The following KIF20B variants were observed in gnomAD, a reference collection of about 807,000 sequenced individuals.
The protein encoded by KIF20B is kinesin-like protein KIF20B.
A neutral mutation model predicts 232.5 loss-of-function variants in KIF20B; 188 were observed. That is an observed-to-expected ratio of 0.81 (90% CI 0.72 to 0.91). KIF20B has a LOEUF of 0.91. KIF20B is among the 40% of genes least tolerant of loss of function. KIF20B has a pLI of 0.00. For missense variants in KIF20B, 2,154 were observed against 2,055.9 expected (o/e 1.05, Z -0.92); for synonymous variants, 712 against 683.0 (o/e 1.04, Z -0.66).
intron 27 of KIF20B, among the ~76,000 whole-genome samples, chr10:89,759,526 A>G (rs936756061): frequency 2.6e-5 from 4 of 152,134 alleles, no homozygotes; most frequent in Non-Finnish European, 5.9e-5. Flanking sequence ...GTGTCACATC[A>G]AAAGACTATT....
intron 6 of KIF20B, among the ~76,000 whole-genome samples, chr10:89,712,369 T>G (rs1356442499): frequency 6.6e-6 from 1 of 152,040 alleles, no homozygotes; most frequent in Non-Finnish European, 1.5e-5. Context: ...TTCTCCTGCC[T>G]CGACCTCCTC....
chr10:89,705,025 A>G (rs1293977795), intron 1 of KIF20B, among the ~76,000 whole-genome samples: 1 of 152,228 alleles, frequency 6.6e-6, no homozygotes, highest in African/African-American at 2.4e-5. Context: ...CCATCTTTAC[A>G]GATTACCTGT....
At chr10:89,753,312 T>A (rs1422373320) in intron 25 of KIF20B, among the ~76,000 whole-genome samples, 3 of 152,206 alleles carry the variant, frequency 2.0e-5, no homozygotes. Flanking sequence ...TTTGGGAGAT[T>A]GTCTGCCTCT....
intron 25 of KIF20B, 128 bp from the exon 26 acceptor site, chr10:89,754,390 T>C: frequency 4.4e-6 from 2 of 459,314 alleles, no homozygotes; most frequent in Non-Finnish European, 7.3e-6. Context: ...GATCTTGTCA[T>C]TGTTTAAAGT....
chr10:89,742,623 C>A (rs181153794), intron 21 of KIF20B, among the ~76,000 whole-genome samples: 3 of 150,434 alleles, frequency 2.0e-5, no homozygotes, highest in African/African-American at 7.3e-5. Flanking sequence ...ATTATTGGAA[C>A]ATAAAGCTTA....
chr10:89,751,315 A>T, intron 23 of KIF20B, 31 bp from the exon 24 acceptor site: 1 of 1,556,426 alleles, frequency 6.4e-7, no homozygotes, highest in Non-Finnish European at 8.7e-7. Context: ...AGAGGCTATT[A>T]ATTTCTAAAA....
At chr10:89,713,153 A>C (rs1842866783) in intron 6 of KIF20B, among the ~76,000 whole-genome samples, 1 of 152,124 alleles carries the variant, frequency 6.6e-6, no homozygotes. Flanking sequence ...TGAGGCCAGG[A>C]GTTGGAGACT....
intron 18 of KIF20B, among the ~76,000 whole-genome samples, chr10:89,730,369 A>G (rs1056341012): frequency 2.6e-5 from 4 of 152,200 alleles, no homozygotes; most frequent in Non-Finnish European, 4.4e-5. Flanking sequence ...GGAATTATAC[A>G]GATTAATAAA....
At position 89,752,590 on chromosome 10, in the gene KIF20B, T is replaced by C; in HGVS notation, c.4246T>C (p.Cys1416Arg). ...AGAATTGGAAAAATGGAAGGAAAAATGCAATGATTTGGAAACCAAAAACAA... is the reference window on the plus strand; with the variant it reads ...AGAATTGGAAAAATGGAAGGAAAAACGCAATGATTTGGAAACCAAAAACAA... ...ATELEKWKEKCNDLETKNNQR... is the reference protein window; with the variant it reads ...ATELEKWKEKRNDLETKNNQR... The change falls in exon 25 of 33, where the codon TGC becomes CGC. Residue 1416 changes from cysteine (C) to arginine (R), a missense_variant. Transcript: ENST00000371728. The C allele has an allele frequency of 6.2e-7, 1 of 1,602,828 alleles. No homozygotes were observed. Among genetic ancestry groups the C allele is most frequent in the Non-Finnish European group, 8.5e-7 (1 of 1,174,788 alleles).
Position 89,737,636 on chromosome 10 carries a change from A to C in KIF20B, c.2795A>C (p.Glu932Ala). 6.2e-7 allele frequency: 1 copy of C among 1,609,912 alleles called. No homozygotes were observed. Among genetic ancestry groups the C allele is most frequent in the Non-Finnish European group, 8.5e-7 (1 of 1,177,572 alleles). Residue 932 changes from glutamate to alanine, a missense_variant, in exon 20 of 33, where the codon GAG (glutamate) becomes GCG (alanine). Physicochemically the swap from Glu to Ala is moderately radical, Grantham distance 107. Transcript: ENST00000371728. ...AAAAAGAATTTAACTTTAAGTAAAG[A>C]GGTCCAACAAATTCAGTCAAATTAT... ...SEKKNLTLSK[E>A]VQQIQSNYDI...
Position 89,739,102 on chromosome 10 carries a change from T to G in KIF20B, c.3915+6T>G. Reference sequence around the variant, plus strand: ...TTAAGCAAGTACAGAAAGAGGTAGGTTATTTGAAAAGTTATGTGGCCAGTT... The same window carrying G: ...TTAAGCAAGTACAGAAAGAGGTAGGGTATTTGAAAAGTTATGTGGCCAGTT... On this transcript the variant is annotated splice_donor_region_variant and intron_variant, in intron 21 of 32. Transcript: ENST00000371728. 1 of 1,609,940 alleles carries G rather than the reference T, an allele frequency of 6.2e-7. No homozygotes were observed. The highest frequency in any genetic ancestry group is 2.2e-5 in the East Asian group (1 of 44,720).
chr10:89,709,122 C>G (rs1161231100), intron 2 of KIF20B, 45 bp from the exon 3 acceptor site: 4 of 1,349,402 alleles, frequency 3.0e-6, no homozygotes, highest in Non-Finnish European at 4.2e-6. Context: ...CTCTGAAAAG[C>G]CGTATCTTTC....
At position 89,774,926 on chromosome 10, in the gene KIF20B, G is replaced by A. The variant is rs1482440656; in HGVS notation, c.*878G>A. 2.6e-5 allele frequency: 4 copies of A among 151,980 alleles called. No homozygotes were observed. The highest frequency in any genetic ancestry group is 4.4e-5 in the Non-Finnish European group (3 of 67,930). The allele number at this position is 151,980 out of a possible 1,614,324, so 9.4% of individuals were successfully genotyped here. ...ATTTTTAGATCCCATAAATAAATGAGAACATGCAGTCTTTGTCTTTCTGTG... is the reference window on the plus strand; with the variant it reads ...ATTTTTAGATCCCATAAATAAATGAAAACATGCAGTCTTTGTCTTTCTGTG... On this transcript the variant is annotated 3_prime_UTR_variant, in exon 33 of 33. Coordinates refer to ENST00000371728, the MANE Select transcript of KIF20B (RefSeq NM_001284259.2).
At chr10:89,744,091 T>TA (rs1192689138) in intron 22 of KIF20B, among the ~76,000 whole-genome samples, 164 bp downstream of exon 22, 5 of 151,848 alleles carry the variant, frequency 3.3e-5, no homozygotes, top group Non-Finnish European at 5.9e-5. Context: ...AAAAAAAAGA[T>TA]AAAATTAAGT....
rs544976881 is a variant in KIF20B at position 89,734,236 on chromosome 10, C to T, written c.2545+1180C>T. On this transcript the variant is annotated intron_variant, in intron 19 of 32. Coordinates refer to ENST00000371728, the MANE Select transcript of KIF20B (RefSeq NM_001284259.2). ...ACCAGCCTGACCAACGTGATGAAAC[C>T]CCATCTCTACTAAAATTACAAAAAA... Among the ~76,000 whole-genome samples the T allele has an allele frequency of 3.3e-5, 5 of 152,110 alleles. No individual in the cohort carries two copies. In the East Asian group the frequency reaches 9.7e-4, roughly 29 times the overall value.
At chr10:89,713,615 G>T (rs1391338876) in intron 6 of KIF20B, among the ~76,000 whole-genome samples, 4 of 152,064 alleles carry the variant, frequency 2.6e-5, no homozygotes, top group African/African-American at 9.7e-5. Flanking sequence ...GAAATAATAA[G>T]AATGCAGAAG....
intron 19 of KIF20B, 118 bp downstream of exon 19, chr10:89,733,174 A>C: frequency 4.0e-6 from 4 of 1,000,568 alleles, no homozygotes; most frequent in Non-Finnish European, 3.0e-6. Context: ...AGAAAATCTA[A>C]ACGTCTTGAA....
chr10:89,730,255 T>C (rs553467111), intron 18 of KIF20B, among the ~76,000 whole-genome samples: 1 of 152,274 alleles, frequency 6.6e-6, no homozygotes, highest in South Asian at 2.1e-4. Context: ...ATATTTAATA[T>C]GTTAATAATA....
chr10:89,743,006 T>C (rs1385890144), intron 21 of KIF20B, among the ~76,000 whole-genome samples: 1 of 152,186 alleles, frequency 6.6e-6, no homozygotes, highest in African/African-American at 2.4e-5. Context: ...CGGCCTTCTC[T>C]ATGCTTTTTA....
Sources: gnomAD v4.1 joint callset for allele counts (sites outside exome capture counted in the v4.1 genomes callset) on GRCh38, gnomAD v4.1.1 for gene constraint, MANE v1.5 for transcripts, NCBI Gene and HGNC (gene_info 2026-07-23, HGNC 2026-07-21) for gene names.